PCP4: variants seen among roughly 807,000 people sequenced by gnomAD.
The protein encoded by PCP4 is Purkinje cell protein 4, also known as calmodulin regulator protein PCP4.
Under a neutral mutation model 10.0 loss-of-function variants are expected in PCP4, and 8 were observed. The ratio of observed to expected loss-of-function variants is 0.80; its 90% CI spans 0.47 to 1.45. The LOEUF is 1.45. PCP4 is among the 40% of genes most tolerant of loss of function. PCP4 has a pLI of 0.00. For missense variants in PCP4, 54 were observed against 74.4 expected, an observed-to-expected ratio of 0.73 and a Z score of 1.01; for synonymous variants, 21 against 23.0, an observed-to-expected ratio of 0.91 and a Z score of 0.24.
intron 1 of PCP4, among the ~76,000 whole-genome samples, chr21:39,883,837 G>T (rs890153108): frequency 3.9e-5 from 6 of 152,072 alleles, no homozygotes; most frequent in Non-Finnish European, 4.4e-5. Context: ...AAAAAAAGGA[G>T]AAACATCTCT....
At chr21:39,921,081 G>A (rs547650286) in intron 2 of PCP4, among the ~76,000 whole-genome samples, 4 of 152,330 alleles carry the variant, frequency 2.6e-5, no homozygotes, top group South Asian at 2.1e-4. Context: ...CAGCCCCCAG[G>A]ACAGGGATGG....
chr21:39,924,987 C>G (rs2087614021), intron 2 of PCP4, among the ~76,000 whole-genome samples: 2 of 152,322 alleles, frequency 1.3e-5, no homozygotes, highest in Admixed American at 1.3e-4. Flanking sequence ...CATGAGGGTA[C>G]ACCTGTGCCT....
intron 2 of PCP4, among the ~76,000 whole-genome samples, chr21:39,925,241 A>C (rs928264998): frequency 9.9e-5 from 15 of 152,202 alleles, no homozygotes; most frequent in African/African-American, 2.6e-4. Context: ...GCCTCCTTGG[A>C]GGCCCCTTGA....
chr21:39,929,162 C>T lies in PCP4; in HGVS notation c.*51C>T. 1 of 1,566,898 alleles carries T rather than the reference C, an allele frequency of 6.4e-7. No individual in the cohort carries two copies. ...TGAAAACACCAAATTCAACCATCATCTGTCAAGAAATTAAAAGAACAACAC... is the reference window on the plus strand; with the variant it reads ...TGAAAACACCAAATTCAACCATCATTTGTCAAGAAATTAAAAGAACAACAC... On this transcript the variant is annotated 3_prime_UTR_variant, in exon 3 of 3. Transcript: ENST00000328619.
rs56729072 is a variant in PCP4 at position 39,875,562 on chromosome 21, C to T, written c.9+8052C>T. Among the ~76,000 whole-genome samples, 1,502 of 152,316 alleles carry T rather than the reference C, an allele frequency of 9.9e-3. 29 individuals are homozygous for T. The highest frequency in any genetic ancestry group is 0.034 in the African/African-American group (1,405 of 41,570). On this transcript the variant is annotated intron_variant, in intron 1 of 2. Coordinates refer to ENST00000328619, the MANE Select transcript of PCP4 (RefSeq NM_006198.3). ...CTTCTCCTTAAAACAATAAGGGTGA[C>T]TTGACGTGATTTTATCCTCTTGCCT... is the stretch of plus-strand genomic sequence containing the variant.
intron 2 of PCP4, among the ~76,000 whole-genome samples, chr21:39,902,970 G>T (rs2087488213): frequency 6.6e-6 from 1 of 152,130 alleles, no homozygotes; most frequent in African/African-American, 2.4e-5. Flanking sequence ...ACAACCATCT[G>T]AATCTAGATT....
rs780745298 is a variant in PCP4, at chr21:39,929,134, A to C, written c.*23A>C. ...TAGTGGGAGAACCCCCTCCTAGTCCACCTGAAAACACCAAATTCAACCATC... is the reference window on the plus strand; with the variant it reads ...TAGTGGGAGAACCCCCTCCTAGTCCCCCTGAAAACACCAAATTCAACCATC... On this transcript the variant is annotated 3_prime_UTR_variant, in exon 3 of 3. Coordinates refer to ENST00000328619, the MANE Select transcript of PCP4 (RefSeq NM_006198.3). The C allele has an allele frequency of 3.1e-6, 5 of 1,593,082 alleles. No individual in the cohort carries two copies. Among genetic ancestry groups the C allele is most frequent in the Non-Finnish European group, 4.3e-6 (5 of 1,169,400 alleles).
At chr21:39,927,902 C>T (rs1048512194) in intron 2 of PCP4, among the ~76,000 whole-genome samples, 8 of 152,242 alleles carry the variant, frequency 5.3e-5, no homozygotes, top group South Asian at 4.2e-4. Flanking sequence ...CTTCCCACTG[C>T]GGCTGTGCAA....
intron 1 of PCP4, among the ~76,000 whole-genome samples, chr21:39,882,808 G>T (rs1164844057): frequency 6.6e-6 from 1 of 152,204 alleles, no homozygotes; most frequent in South Asian, 2.1e-4. Flanking sequence ...TTCATTGACA[G>T]TTTTCCACCC....
chr21:39,874,926 G>T (rs2087338024), intron 1 of PCP4, among the ~76,000 whole-genome samples: 1 of 152,190 alleles, frequency 6.6e-6, no homozygotes, highest in African/African-American at 2.4e-5. Flanking sequence ...AGACAGTGTG[G>T]ATACGCTGGG....
chr21:39,925,725 C>A (rs1007580327), intron 2 of PCP4, among the ~76,000 whole-genome samples: 10 of 152,126 alleles, frequency 6.6e-5, no homozygotes, highest in African/African-American at 2.2e-4. Flanking sequence ...TAGAAAGGGC[C>A]CCCTGTACTG....
intron 1 of PCP4, 115 bp downstream of exon 1, chr21:39,867,625 T>A: frequency 2.0e-6 from 2 of 991,988 alleles, no homozygotes; most frequent in Non-Finnish European, 3.3e-6. Flanking sequence ...AAATTAATCC[T>A]GTAATTATTT....
chr21:39,892,326 T>C (rs1197194597), intron 1 of PCP4, among the ~76,000 whole-genome samples: 1 of 152,270 alleles, frequency 6.6e-6, no homozygotes. Flanking sequence ...TAATTGTTCA[T>C]GATCATCTCT....
chr21:39,917,491 G>T (rs2087574865), intron 2 of PCP4, among the ~76,000 whole-genome samples: 1 of 152,192 alleles, frequency 6.6e-6, no homozygotes, highest in East Asian at 1.9e-4. Flanking sequence ...GCTGGAAGGA[G>T]GGTGCTTTGG....
chr21:39,915,401 T>C (rs1667592744), intron 2 of PCP4, among the ~76,000 whole-genome samples: 1 of 152,222 alleles, frequency 6.6e-6, no homozygotes, highest in Non-Finnish European at 1.5e-5. Context: ...CATTATCAAC[T>C]TGAAATAAAA....
At chr21:39,911,038 C>T (rs1194243548) in intron 2 of PCP4, among the ~76,000 whole-genome samples, 1 of 152,176 alleles carries the variant, frequency 6.6e-6, no homozygotes, top group Non-Finnish European at 1.5e-5. Flanking sequence ...CTGTGGCTGT[C>T]TCTTTCCTGG....
chr21:39,927,946 T>C (rs976009105), intron 2 of PCP4, among the ~76,000 whole-genome samples: 6 of 152,190 alleles, frequency 3.9e-5, no homozygotes, highest in African/African-American at 1.2e-4. Context: ...GAGACCCTCA[T>C]GCCTGTATTT....
At chr21:39,881,229 G>T (rs575671262) in intron 1 of PCP4, among the ~76,000 whole-genome samples, 4 of 152,102 alleles carry the variant, frequency 2.6e-5, no homozygotes, top group Admixed American at 6.5e-5. Context: ...TTGAATGTTG[G>T]GGGGAGAAAC....
intron 2 of PCP4, among the ~76,000 whole-genome samples, chr21:39,912,552 ACCAGG>A (rs2087545418): frequency 6.6e-6 from 1 of 151,788 alleles, no homozygotes; most frequent in Admixed American, 6.6e-5. Context: ...GTCACATTTA[ACCAGG>A]CCCCATCTGA....
Sources: gnomAD v4.1 joint callset for allele counts (sites outside exome capture counted in the v4.1 genomes callset) on GRCh38, gnomAD v4.1.1 for gene constraint, MANE v1.5 for transcripts, NCBI Gene and HGNC (gene_info 2026-07-23, HGNC 2026-07-21) for gene names.